Variants in FHIT observed in about 807,000 individuals in gnomAD.
FHIT encodes fragile histidine triad diadenosine triphosphatase.
In FHIT, 19 loss-of-function variants were observed where a neutral mutation model predicts 17.9. The ratio of observed to expected loss-of-function variants is 1.06; its 90% CI spans 0.74 to 1.56. The LOEUF is 1.56. FHIT is among the 40% of genes most tolerant of loss of function. The pLI is 0.00. For missense variants in FHIT, 248 were observed against 189.2 expected (o/e 1.31, Z -1.82); for synonymous variants, 81 against 69.7 (o/e 1.16, Z -0.81).
intron 2 of FHIT, among the ~76,000 whole-genome samples, chr3:61,068,051 A>T (rs1444744431): frequency 1.3e-5 from 2 of 152,224 alleles, no homozygotes. Flanking sequence ...TTTCTGATTA[A>T]GTAAGTGTAG....
intron 8 of FHIT, among the ~76,000 whole-genome samples, chr3:59,856,712 T>C (rs1702171780): frequency 6.6e-6 from 1 of 152,044 alleles, no homozygotes; most frequent in Non-Finnish European, 1.5e-5. Context: ...TAAGACTCAG[T>C]TTCCTTCTTT....
intron 8 of FHIT, among the ~76,000 whole-genome samples, chr3:59,900,150 C>T (rs1193008782): frequency 6.6e-6 from 1 of 152,192 alleles, no homozygotes; most frequent in Non-Finnish European, 1.5e-5. Context: ...GGATTCCCCA[C>T]TCTGGTAGCC....
chr3:60,729,195 C>G (rs931360105), intron 4 of FHIT, among the ~76,000 whole-genome samples: 1 of 152,168 alleles, frequency 6.6e-6, no homozygotes, highest in Non-Finnish European at 1.5e-5. Context: ...AGGCTTTAAC[C>G]TTCTGGCTTC....
At chr3:60,974,976 T>A (rs1250234758) in intron 3 of FHIT, among the ~76,000 whole-genome samples, 3 of 152,190 alleles carry the variant, frequency 2.0e-5, no homozygotes, top group Non-Finnish European at 4.4e-5. Flanking sequence ...GAAATCTCTA[T>A]GTGTTTCATG....
chr3:60,557,333 T>A (rs1317184293), intron 4 of FHIT, among the ~76,000 whole-genome samples: 1 of 152,096 alleles, frequency 6.6e-6, no homozygotes, highest in Non-Finnish European at 1.5e-5. Context: ...TGTGCTGTAC[T>A]TTTTTCATGT....
At chr3:60,863,137 T>C (rs1245338319) in intron 3 of FHIT, among the ~76,000 whole-genome samples, 1 of 152,122 alleles carries the variant, frequency 6.6e-6, no homozygotes, top group East Asian at 1.9e-4. Context: ...AAAGATAAGA[T>C]GAATCATTGA....
intron 1 of FHIT, among the ~76,000 whole-genome samples, chr3:61,230,237 T>C (rs1003134940): frequency 1.3e-5 from 2 of 152,110 alleles, no homozygotes; most frequent in African/African-American, 4.8e-5. Context: ...TGAGAGGTAA[T>C]TGGATGATGG....
chr3:60,110,816 C>T (rs1168876645), intron 5 of FHIT, among the ~76,000 whole-genome samples: 3 of 152,180 alleles, frequency 2.0e-5, no homozygotes. Flanking sequence ...CTCAAGATTT[C>T]TTCCCACTTT....
At chr3:61,168,058 C>A (rs151036653) in intron 2 of FHIT, among the ~76,000 whole-genome samples, 52 of 152,282 alleles carry the variant, frequency 3.4e-4, no homozygotes, top group African/African-American at 1.2e-3. Flanking sequence ...CTCTTGATAC[C>A]ACCACAAATT....
intron 2 of FHIT, among the ~76,000 whole-genome samples, chr3:61,053,101 C>T (rs1020776637): frequency 7.2e-5 from 11 of 152,048 alleles, no homozygotes; most frequent in African/African-American, 2.2e-4. Flanking sequence ...CACCAGGTGC[C>T]CCCGCCTCCC....
At position 60,392,635 on chromosome 3, in the gene FHIT, C is replaced by T. The variant is rs909158626; in HGVS notation, c.103+144225G>A. On this transcript the variant is annotated intron_variant, in intron 5 of 9. Coordinates refer to ENST00000492590, the MANE Select transcript of FHIT (RefSeq NM_002012.4). ...CTGTTGCACACAGATCAGCTGCAGACAAGAGCTTTCTACTGAAATTTTAAC... is the reference window on the plus strand; with the variant it reads ...CTGTTGCACACAGATCAGCTGCAGATAAGAGCTTTCTACTGAAATTTTAAC... Among the ~76,000 whole-genome samples, 8 of 152,288 alleles carry T rather than the reference C, an allele frequency of 5.3e-5. 1 individual carries two copies. Among genetic ancestry groups the T allele is most frequent in the Middle Eastern group, 3.4e-3 (1 of 294 alleles).
At chr3:60,572,865 A>G (rs954838995) in intron 4 of FHIT, among the ~76,000 whole-genome samples, 16 of 152,168 alleles carry the variant, frequency 1.1e-4, no homozygotes, top group Admixed American at 2.0e-4. Flanking sequence ...AGCAACTCGC[A>G]GAGTTCTTTA....
chr3:60,894,649 C>CA (rs1553761474), intron 3 of FHIT, among the ~76,000 whole-genome samples: 2 of 150,702 alleles, frequency 1.3e-5, no homozygotes, highest in Non-Finnish European at 3.0e-5. Flanking sequence ...GCAAAAAATT[C>CA]AAAGAGCTTT....
At chr3:60,148,563 G>T (rs1025628089) in intron 5 of FHIT, among the ~76,000 whole-genome samples, 12 of 152,168 alleles carry the variant, frequency 7.9e-5, no homozygotes, top group Admixed American at 6.5e-4. Context: ...GGATAGATGT[G>T]TTAAGGGAGA....
chr3:60,266,217 A>G (rs1186649035), intron 5 of FHIT, among the ~76,000 whole-genome samples: 2 of 152,102 alleles, frequency 1.3e-5, no homozygotes, highest in African/African-American at 4.8e-5. Context: ...ATTATTAGCA[A>G]TAAAAAAATA....
intron 2 of FHIT, among the ~76,000 whole-genome samples, chr3:61,063,655 G>A (rs186917867): frequency 4.6e-5 from 7 of 152,266 alleles, no homozygotes; most frequent in South Asian, 2.1e-4. Context: ...GGGCCAGGAC[G>A]TTAACATACA....
intron 4 of FHIT, among the ~76,000 whole-genome samples, chr3:60,547,023 TA>T (rs1256701945): frequency 6.6e-6 from 1 of 152,154 alleles, no homozygotes; most frequent in Non-Finnish European, 1.5e-5. Context: ...ACAAAAGCAT[TA>T]AAAAGATTAA....
At chr3:60,466,931 C>A (rs374682550) in intron 5 of FHIT, among the ~76,000 whole-genome samples, 18 of 150,110 alleles carry the variant, frequency 1.2e-4, no homozygotes, top group African/African-American at 4.4e-4. Flanking sequence ...TTTTATGAAA[C>A]AGTTTGAGTA....
intron 4 of FHIT, chr3:60,730,151 C>T: frequency 2.2e-6 from 1 of 453,438 alleles, no homozygotes; most frequent in Non-Finnish European, 4.4e-6. Context: ...CGAAGGACCA[C>T]TGGGCTGTTT....
Sources: gnomAD v4.1 joint callset for allele counts (sites outside exome capture counted in the v4.1 genomes callset) on GRCh38, gnomAD v4.1.1 for gene constraint, MANE v1.5 for transcripts, NCBI Gene and HGNC (gene_info 2026-07-23, HGNC 2026-07-21) for gene names.